The following ZNF462 variants were observed in gnomAD, a reference collection of about 807,000 sequenced individuals.
ZNF462 encodes zinc finger protein 462.
A neutral mutation model predicts 201.9 loss-of-function variants in ZNF462; 10 were observed. The observed-to-expected ratio is 0.05, with a 90% CI of 0.03 to 0.08. The LOEUF (loss-of-function observed/expected upper bound fraction) is 0.08. Ranked by LOEUF, ZNF462 falls within the 10% of genes least tolerant of loss-of-function variation. ZNF462 has a pLI of 1.00. For missense variants in ZNF462, 2,523 were observed against 3,168.3 expected (o/e 0.80, Z 4.89); for synonymous variants, 1,227 against 1,193.3 (o/e 1.03, Z -0.58).
Position 106,929,240 on chromosome 9 carries a change from G to A in ZNF462, c.5328G>A (p.Ser1776=), listed in dbSNP as rs17785570. ...AGTGCTCCTTGTGCTCTTTCCAGTCGTTCAGCAAGAAGGGCATCGTGTCCC... is the reference window on the plus strand; with the variant it reads ...AGTGCTCCTTGTGCTCTTTCCAGTCATTCAGCAAGAAGGGCATCGTGTCCC... ...KKKCSLCSFQ[S]FSKKGIVSHY... Residue 1776 remains serine (S), a synonymous_variant, in exon 3 of 13, where the codon TCG becomes TCA. Transcript: ENST00000277225. The surrounding 1 kb of genome is among the most constrained non-coding windows in gnomAD (Gnocchi z 8.7). 16,817 of 1,614,124 alleles carry A rather than the reference G, an allele frequency of 0.01. 117 individuals carry two copies. Among genetic ancestry groups the A allele is most frequent in the Middle Eastern group, 0.02 (124 of 6,062 alleles).
chr9:106,916,112 G>T (rs533307158), intron 1 of ZNF462, among the ~76,000 whole-genome samples: 1 of 152,282 alleles, frequency 6.6e-6, no homozygotes, highest in African/African-American at 2.4e-5. Flanking sequence ...CACTCCGCAA[G>T]CCACTGGCCA....
intron 7 of ZNF462, among the ~76,000 whole-genome samples, chr9:106,940,605 C>T (rs1364830266): frequency 1.3e-5 from 2 of 152,206 alleles, no homozygotes; most frequent in African/African-American, 2.4e-5. Context: ...GTGTTCAACA[C>T]TATAGCTCCT....
Position 106,865,589 on chromosome 9 carries a change from T to G in ZNF462, c.-31+2234T>G, listed in dbSNP as rs1025867438. Among the ~76,000 whole-genome samples, 1 of 152,254 alleles carries G rather than the reference T, an allele frequency of 6.6e-6. No individual in the cohort carries two copies. The highest frequency in any genetic ancestry group is 1.5e-5 in the Non-Finnish European group (1 of 68,048). Reference sequence around the variant, plus strand: ...GGTCGTTCCATTTGTATGTTAGGCCTTCTTTCAGTTTCTTTGTTTCCCCTT... The same window carrying G: ...GGTCGTTCCATTTGTATGTTAGGCCGTCTTTCAGTTTCTTTGTTTCCCCTT... On this transcript the variant is annotated intron_variant, in intron 1 of 12. Coordinates refer to ENST00000277225, the MANE Select transcript of ZNF462 (RefSeq NM_021224.6). This position sits in a 1 kb window ranked among gnomAD's most constrained non-coding sequence, Gnocchi z 4.1.
At chr9:106,944,615 A>G (rs1283396188) in intron 7 of ZNF462, among the ~76,000 whole-genome samples, 1 of 152,160 alleles carries the variant, frequency 6.6e-6, no homozygotes, top group Admixed American at 6.5e-5. Context: ...TAAATATACA[A>G]TCAGTTGTTG....
rs1407416901 is a variant in ZNF462, at chr9:106,890,465, A to G, written c.-31+27110A>G. Among the ~76,000 whole-genome samples, 1 of 152,190 alleles carries G rather than the reference A, an allele frequency of 6.6e-6. No individual in the cohort carries two copies. Reference sequence around the variant, plus strand: ...CTAGCACTTGAAGCCACTTAATCAAATATCATATCCACACACCTGCAGTTC... The same window carrying G: ...CTAGCACTTGAAGCCACTTAATCAAGTATCATATCCACACACCTGCAGTTC... On this transcript the variant is annotated intron_variant, in intron 1 of 12. Coordinates refer to ENST00000277225, the MANE Select transcript of ZNF462 (RefSeq NM_021224.6). The surrounding 1 kb of genome is among the most constrained non-coding windows in gnomAD (Gnocchi z 4.2).
chr9:107,002,584 C>T (rs1295708592), intron 10 of ZNF462, among the ~76,000 whole-genome samples: 1 of 152,120 alleles, frequency 6.6e-6, no homozygotes, highest in African/African-American at 2.4e-5. Flanking sequence ...AGCTTGGATT[C>T]CCACATTATT....
chr9:106,894,700 ACTTGAAACAGTGAAACAGCC>A (rs1404131686), intron 1 of ZNF462, among the ~76,000 whole-genome samples: 1 of 152,196 alleles, frequency 6.6e-6, no homozygotes, highest in Admixed American at 6.5e-5. Context: ...GCTGTTGAGC[ACTTGAAACAGTGAAACAGCC>A]CTTGAAACAG....
chr9:106,971,976 C>A, intron 7 of ZNF462, 29 bp from the exon 8 acceptor site: 1 of 1,596,748 alleles, frequency 6.3e-7, no homozygotes, highest in South Asian at 1.1e-5. Context: ...TTCTCTGTGC[C>A]CCGTGTCATT....
At chr9:106,960,887 A>G (rs1173883145) in intron 7 of ZNF462, among the ~76,000 whole-genome samples, 1 of 152,246 alleles carries the variant, frequency 6.6e-6, no homozygotes. Flanking sequence ...ATAAACCCAT[A>G]TCTGCTTTTC....
chr9:106,929,013 CTGTGTGCCT>C lies in ZNF462; in HGVS notation c.5102_5110del (p.Leu1701_Tyr1704delinsHis). ...CAAGAACAACCTCTTCAAGTGTGCC[CTGTGTGCCT>C]ACACCAACCCCATCCGCAAAGGTCT... On this transcript the variant is annotated inframe_deletion, in exon 3 of 13. Coordinates refer to ENST00000277225, the MANE Select transcript of ZNF462 (RefSeq NM_021224.6). The surrounding 1 kb of genome is among the most constrained non-coding windows in gnomAD (Gnocchi z 8.7). The C allele has an allele frequency of 6.2e-7, 1 of 1,614,118 alleles. No individual in the cohort carries two copies. Among genetic ancestry groups the C allele is most frequent in the Non-Finnish European group, 8.5e-7 (1 of 1,180,032 alleles).
intron 10 of ZNF462, among the ~76,000 whole-genome samples, chr9:106,999,265 T>C (rs952752174): frequency 2.0e-5 from 3 of 151,736 alleles, no homozygotes; most frequent in Non-Finnish European, 2.9e-5. Flanking sequence ...CAAGGAGTTA[T>C]TCAAATACCC....
At chr9:106,944,379 T>A (rs1451827772) in intron 7 of ZNF462, among the ~76,000 whole-genome samples, 2 of 152,216 alleles carry the variant, frequency 1.3e-5, no homozygotes, top group Non-Finnish European at 2.9e-5. Context: ...GAGACTCATT[T>A]GGTGAGACTC....
chr9:106,973,667 G>C (rs184694445), intron 8 of ZNF462, among the ~76,000 whole-genome samples: 124 of 152,256 alleles, frequency 8.1e-4, no homozygotes, highest in Non-Finnish European at 1.2e-3. Context: ...ACACCACTTA[G>C]TTTACCTAAT....
intron 7 of ZNF462, among the ~76,000 whole-genome samples, chr9:106,943,718 G>A (rs183777808): frequency 4.6e-5 from 7 of 152,220 alleles, no homozygotes; most frequent in Non-Finnish European, 1.0e-4. Flanking sequence ...TTCCAATATG[G>A]ACAGTTAGGT....
At chr9:106,934,231 G>A (rs1053626874) in intron 5 of ZNF462, among the ~76,000 whole-genome samples, 2 of 149,752 alleles carry the variant, frequency 1.3e-5, no homozygotes, top group Admixed American at 6.7e-5. Context: ...AGGACACACA[G>A]CCTATATGTA....
chr9:106,915,360 TCTA>T (rs1829729310), intron 1 of ZNF462, among the ~76,000 whole-genome samples: 1 of 152,188 alleles, frequency 6.6e-6, no homozygotes. Flanking sequence ...GGTAATAAAG[TCTA>T]CTGTTGTGTT....
At chr9:106,997,778 C>T (rs1195058079) in intron 10 of ZNF462, among the ~76,000 whole-genome samples, 1 of 152,130 alleles carries the variant, frequency 6.6e-6, no homozygotes, top group Non-Finnish European at 1.5e-5. Context: ...GGTTGGCAAA[C>T]TATGATGCAT....
In ZNF462 at chr9:106,928,167, T is replaced by C. The variant is rs1188189854; in HGVS notation, c.4255T>C (p.Ser1419Pro). 1.2e-6 allele frequency: 2 copies of C among 1,614,158 alleles called. No individual in the cohort carries two copies. The highest frequency in any genetic ancestry group is 2.2e-5 in the South Asian group (2 of 91,076). ...AGATGCTGTGGAGAAGCCCATTCTT[T>C]CATCCGAAGAGTTGGCAGGCCCTGT... ...EKDAVEKPIL[S>P]SEELAGPVNC... The change falls in exon 3 of 13, where the codon TCA becomes CCA. Residue 1419 changes from serine (S) to proline (P), a missense_variant. This residue lies in a region of ZNF462 where 165 missense variants were observed against 142.6 expected (regional missense o/e 1.16). Transcript: ENST00000277225. This position sits in a 1 kb window ranked among gnomAD's most constrained non-coding sequence, Gnocchi z 9.3.
Position 106,935,068 on chromosome 9 carries a change from G to C in ZNF462, c.6117-435G>C, listed in dbSNP as rs1359763275. 6.6e-6 allele frequency among the ~76,000 whole-genome samples: 1 copy of C among 152,152 alleles called. No homozygotes were observed. Among genetic ancestry groups the C allele is most frequent in the Non-Finnish European group, 1.5e-5 (1 of 68,014 alleles). ...GAATTAGAATTCAAAAAGAAAGTCA[G>C]CTCTTTTCAAATGCTAAATTTCTCT... On this transcript the variant is annotated intron_variant, in intron 5 of 12. Coordinates refer to ENST00000277225, the MANE Select transcript of ZNF462 (RefSeq NM_021224.6). The surrounding 1 kb of genome is among the most constrained non-coding windows in gnomAD (Gnocchi z 4.1).
Sources: gnomAD v4.1 joint callset for allele counts (sites outside exome capture counted in the v4.1 genomes callset) on GRCh38, gnomAD v4.1.1 for gene constraint, gnomAD v4.1.1 regional missense constraint, Gnocchi (gnomAD v3.1) non-coding constraint, MANE v1.5 for transcripts, NCBI Gene and HGNC (gene_info 2026-07-23, HGNC 2026-07-21) for gene names.